CLIP2: variants seen among roughly 807,000 people sequenced by gnomAD.
The protein encoded by CLIP2 is CAP-Gly domain containing linker protein 2, also known as CAP-Gly domain-containing linker protein 2.
In CLIP2, 41 loss-of-function variants were observed where a neutral mutation model predicts 111.7. The ratio of observed to expected loss-of-function variants is 0.37; its 90% CI spans 0.29 to 0.48. The LOEUF (loss-of-function observed/expected upper bound fraction) is 0.48, where lower values mean the gene tolerates loss of function less well. Ranked by LOEUF, CLIP2 falls within the 20% of genes least tolerant of loss-of-function variation. The pLI is 0.99. For synonymous variants in CLIP2, 660 were observed against 644.2 expected (o/e 1.02, Z -0.37); for missense variants, 1,160 against 1,422.1 (o/e 0.82, Z 2.96).
chr7:74,307,823 G>C (rs1052823588), intron 1 of CLIP2, among the ~76,000 whole-genome samples: 17 of 152,156 alleles, frequency 1.1e-4, no homozygotes, highest in South Asian at 2.1e-4. Flanking sequence ...GGCTGCTGGG[G>C]GGTGGTTCAG....
intron 5 of CLIP2, 68 bp from the exon 6 acceptor site, chr7:74,357,212 G>C: frequency 6.9e-7 from 1 of 1,444,852 alleles, no homozygotes; most frequent in Non-Finnish European, 9.7e-7. Context: ...GATTAGGCTG[G>C]ACAGAGCCAG....
intron 1 of CLIP2, among the ~76,000 whole-genome samples, chr7:74,294,565 T>G (rs1322963388): frequency 6.6e-6 from 1 of 152,150 alleles, no homozygotes; most frequent in African/African-American, 2.4e-5. Context: ...GAGGGCGGAA[T>G]TTCCGGCTCA....
rs1790791416 is a variant in CLIP2 at position 74,376,481 on chromosome 7, G to A, written c.2080G>A (p.Glu694Lys). 6.2e-7 allele frequency: 1 copy of A among 1,612,972 alleles called. No homozygotes were observed. The highest frequency in any genetic ancestry group is 1.3e-5 in the African/African-American group (1 of 74,560). Reference sequence around the variant, plus strand: ...GCGAGAGAAGCTGCAGGAGGCCCAGGAGGAGCTGGCTGGGCTGCAGCGGCA... The same window carrying A: ...GCGAGAGAAGCTGCAGGAGGCCCAGAAGGAGCTGGCTGGGCTGCAGCGGCA... ...ALREKLQEAQ[E>K]ELAGLQRHWR... Residue 694 changes from glutamate to lysine, a missense_variant, in exon 10 of 17, where the codon GAG (glutamate) becomes AAG (lysine). Around this residue, in one of 5 missense-constraint regions of CLIP2, gnomAD observed 676 missense variants for 777.8 expected, o/e 0.87. Coordinates refer to ENST00000223398, the MANE Select transcript of CLIP2 (RefSeq NM_003388.5). This position sits in a 1 kb window ranked among gnomAD's most constrained non-coding sequence, Gnocchi z 7.1.
At chr7:74,315,701 G>A (rs1788751383) in intron 1 of CLIP2, among the ~76,000 whole-genome samples, 1 of 151,908 alleles carries the variant, frequency 6.6e-6, no homozygotes, top group South Asian at 2.1e-4. Flanking sequence ...CTCCTGAGTA[G>A]CTGGGATTAC....
chr7:74,376,341 G>A lies in CLIP2; in HGVS notation c.1940G>A (p.Gly647Asp). ...CCAGGCGCCCAGCAGAAGGAGATCG[G>A]CGAGCTGAAGGCAGTGATGGAGGGC... ...SGPGAQQKEI[G>D]ELKAVMEGIK... Residue 647 changes from glycine to aspartate, a missense_variant, in exon 10 of 17, where the codon GGC (glycine) becomes GAC (aspartate). Physicochemically the swap from Gly to Asp is moderately conservative, Grantham distance 94. Transcript: ENST00000223398. The surrounding 1 kb of genome is among the most constrained non-coding windows in gnomAD (Gnocchi z 7.1). The A allele has an allele frequency of 6.2e-7, 1 of 1,613,960 alleles. No individual in the cohort carries two copies. The highest frequency in any genetic ancestry group is 1.6e-4 in the Middle Eastern group (1 of 6,062).
rs1554312243 is a variant in CLIP2 at position 74,373,042 on chromosome 7, C to T, written c.1485+6C>T. 5.1e-6 allele frequency: 8 copies of T among 1,555,056 alleles called. No individual in the cohort carries two copies. Among genetic ancestry groups the T allele is most frequent in the East Asian group, 4.7e-5 (2 of 42,404 alleles). On this transcript the variant is annotated splice_donor_region_variant and intron_variant, in intron 9 of 16. Transcript: ENST00000223398. ...GAGAATTAGCGGACAACAGGGTAACCGCGCCACCGCACCCGCCTGGCCCGC... is the reference window on the plus strand; with the variant it reads ...GAGAATTAGCGGACAACAGGGTAACTGCGCCACCGCACCCGCCTGGCCCGC...
chr7:74,359,470 C>G (rs1790255387), intron 6 of CLIP2, among the ~76,000 whole-genome samples: 1 of 151,628 alleles, frequency 6.6e-6, no homozygotes, highest in Non-Finnish European at 1.5e-5. Flanking sequence ...TCTCCTGCCT[C>G]AGCCTCCCAA....
At chr7:74,323,369 A>G (rs527597425) in intron 2 of CLIP2, among the ~76,000 whole-genome samples, 1 of 150,562 alleles carries the variant, frequency 6.6e-6, no homozygotes, top group African/African-American at 2.4e-5. Context: ...ACCTCAGCCT[A>G]CCAAAGGGCG....
intron 9 of CLIP2, among the ~76,000 whole-genome samples, chr7:74,373,773 G>T (rs1790705111): frequency 6.6e-6 from 1 of 152,112 alleles, no homozygotes. Flanking sequence ...CTGGGGAGAG[G>T]AAGGAGGTCA....
intron 8 of CLIP2, chr7:74,364,934 G>A (rs1344399323): frequency 2.2e-6 from 1 of 451,024 alleles, no homozygotes; most frequent in East Asian, 7.0e-5. Context: ...TGAGGCTAGA[G>A]GATCGCTTGA....
At chr7:74,344,281 G>T (rs1554305905) in intron 3 of CLIP2, among the ~76,000 whole-genome samples, 1 of 152,184 alleles carries the variant, frequency 6.6e-6, no homozygotes, top group African/African-American at 2.4e-5. Flanking sequence ...CAGCAAGGGG[G>T]CTGGGCTATC....
At chr7:74,331,562 CTTTTTTTTTTTT>C (rs1213774851) in intron 2 of CLIP2, among the ~76,000 whole-genome samples, 2 of 120,662 alleles carry the variant, frequency 1.7e-5, no homozygotes, top group African/African-American at 6.6e-5. Flanking sequence ...TTCTTTCTTT[CTTTTTTTTTTTT>C]TTTTTTTTTT....
intron 1 of CLIP2, among the ~76,000 whole-genome samples, chr7:74,307,564 C>T (rs1031799695): frequency 1.3e-5 from 2 of 152,160 alleles, no homozygotes; most frequent in Admixed American, 6.6e-5. Context: ...CATCTCGGCT[C>T]ACCACAACCT....
At chr7:74,361,313 G>A (rs535435748) in intron 7 of CLIP2, among the ~76,000 whole-genome samples, 1 of 150,732 alleles carries the variant, frequency 6.6e-6, no homozygotes, top group Non-Finnish European at 1.5e-5. Context: ...CACCTCCCAG[G>A]TTCAAGCAAT....
At chr7:74,345,470 T>G (rs1789775711) in intron 3 of CLIP2, among the ~76,000 whole-genome samples, 2 of 151,994 alleles carry the variant, frequency 1.3e-5, no homozygotes, top group Admixed American at 6.6e-5. Flanking sequence ...TGGCCTCAAG[T>G]GATCCACCCA....
At position 74,376,135 on chromosome 7, in the gene CLIP2, G is replaced by A. The variant is rs1554312772; in HGVS notation, c.1734G>A (p.Val578=). Residue 578 remains valine, a synonymous_variant, in exon 10 of 17, where the codon GTG becomes GTA. Transcript: ENST00000223398. This position sits in a 1 kb window ranked among gnomAD's most constrained non-coding sequence, Gnocchi z 7.1. ...CCCTGAAGGCCTACCAGGCGGAGGT[G>A]GACAAGCTCCGCGCGGCCAACGAGA... is the stretch of plus-strand genomic sequence containing the variant. ...EKALKAYQAE[V]DKLRAANEKY... The A allele has an allele frequency of 6.2e-7, 1 of 1,609,298 alleles. No homozygotes were observed. The highest frequency in any genetic ancestry group is 8.5e-7 in the Non-Finnish European group (1 of 1,177,758).
At chr7:74,348,291 A>T (rs1789861862) in intron 3 of CLIP2, among the ~76,000 whole-genome samples, 1 of 152,166 alleles carries the variant, frequency 6.6e-6, no homozygotes, top group Admixed American at 6.6e-5. Context: ...CCCCAGATTG[A>T]TAAGGGTGTT....
At chr7:74,389,312 C>T in intron 13 of CLIP2, 53 bp downstream of exon 13, 3 of 1,481,290 alleles carry the variant, frequency 2.0e-6, no homozygotes, top group Middle Eastern at 2.0e-4. Flanking sequence ...GGCCCTTGCT[C>T]CTCTTCTTGA....
chr7:74,401,053 G>C (rs951844143), intron 15 of CLIP2, among the ~76,000 whole-genome samples: 1 of 150,064 alleles, frequency 6.7e-6, no homozygotes, highest in African/African-American at 2.5e-5. Flanking sequence ...TCTCTGTCCC[G>C]GGAACCTTGA....
Sources: allele counts gnomAD v4.1 joint callset (sites outside exome capture counted in the v4.1 genomes callset), GRCh38; gene constraint gnomAD v4.1.1; regional missense constraint gnomAD v4.1.1; non-coding constraint Gnocchi (gnomAD v3.1); transcripts MANE v1.5; gene names NCBI Gene and HGNC (gene_info 2026-07-23, HGNC 2026-07-21).